FARSB: variants seen among roughly 807,000 people sequenced by gnomAD.
FARSB encodes phenylalanine--tRNA ligase beta subunit.
FARSB carries 40 observed loss-of-function variants against 69.6 expected under a neutral mutation model. The ratio of observed to expected loss-of-function variants is 0.57; its 90% confidence interval spans 0.45 to 0.75. FARSB has a LOEUF of 0.75. FARSB is among the 30% of genes least tolerant of loss of function. The pLI is 0.00. For synonymous variants in FARSB, 235 were observed against 247.2 expected, an observed-to-expected ratio of 0.95 and a Z score of 0.46; for missense variants, 632 against 722.9, an observed-to-expected ratio of 0.87 and a Z score of 1.44.
intron 15 of FARSB, among the ~76,000 whole-genome samples, chr2:222,600,396 C>T (rs1690529388): frequency 6.6e-6 from 1 of 152,082 alleles, no homozygotes. Flanking sequence ...AGCCTTAAAG[C>T]TTCATACTCT....
chr2:222,585,182 C>G (rs979720071), intron 16 of FARSB, among the ~76,000 whole-genome samples: 1 of 152,222 alleles, frequency 6.6e-6, no homozygotes, highest in Non-Finnish European at 1.5e-5. Flanking sequence ...TGCCGTTCTA[C>G]AATATTTGCT....
intron 16 of FARSB, among the ~76,000 whole-genome samples, chr2:222,591,215 A>G (rs975200191): frequency 2.6e-5 from 4 of 151,608 alleles, no homozygotes; most frequent in African/African-American, 9.7e-5. Context: ...GTCTCTTAAA[A>G]AAAAAAAAAA....
rs1689649505 is a variant in FARSB at position 222,567,219 on chromosome 2, T to C, written c.*4652A>G. Reference sequence around the variant, plus strand: ...CTGGAGGTCAGAGGGTCAACATGAATTTGTGGGGATACATTCAGTCCATAA... The same window carrying C: ...CTGGAGGTCAGAGGGTCAACATGAACTTGTGGGGATACATTCAGTCCATAA... On this transcript the variant is annotated 3_prime_UTR_variant, in exon 17 of 17. Transcript: ENST00000281828. 6.6e-6 allele frequency: 1 copy of C among 152,194 alleles called. No individual in the cohort carries two copies. The highest frequency in any genetic ancestry group is 2.1e-4 in the South Asian group (1 of 4,830). The allele number at this position is 152,194 out of a possible 1,614,324, so 9.4% of individuals were successfully genotyped here. A position where few individuals can be genotyped will look rare whatever the true frequency, so the allele number is the denominator to read the frequency against.
chr2:222,634,596 A>G, intron 5 of FARSB, 55 bp from the exon 6 acceptor site: 6 of 1,427,588 alleles, frequency 4.2e-6, no homozygotes, highest in Non-Finnish European at 5.7e-6. Flanking sequence ...GAGGAGAATG[A>G]GACAGATTTG....
chr2:222,595,742 A>G (rs1690394138), intron 16 of FARSB, among the ~76,000 whole-genome samples: 1 of 152,180 alleles, frequency 6.6e-6, no homozygotes, highest in Admixed American at 6.5e-5. Context: ...TTCTACAAGA[A>G]ATAATTTTTG....
intron 15 of FARSB, among the ~76,000 whole-genome samples, chr2:222,609,912 T>G (rs1319442754): frequency 2.0e-5 from 3 of 152,206 alleles, no homozygotes; most frequent in Non-Finnish European, 4.4e-5. Context: ...TTGGAAGACA[T>G]GCTTGCCCAC....
In FARSB at chr2:222,619,606, A is replaced by C. The variant is rs113614590; in HGVS notation, c.1344+39T>G. Reference sequence around the variant, plus strand: ...TTTTCCTAACTCATGTACTACCTCTAGGTTTTTACATGAATTCTCACCTAC... The same window carrying C: ...TTTTCCTAACTCATGTACTACCTCTCGGTTTTTACATGAATTCTCACCTAC... On this transcript the variant is annotated intron_variant, in intron 14 of 16. Coordinates refer to ENST00000281828, the MANE Select transcript of FARSB (RefSeq NM_005687.5). 3.2e-3 allele frequency: 3,198 copies of C among 985,350 alleles called. 34 individuals carry two copies. Among genetic ancestry groups the C allele is most frequent in the African/African-American group, 0.029 (1,818 of 63,124 alleles). 61.0% of individuals were successfully genotyped at this position (985,350 alleles called of 1,614,324 possible). A position where few individuals can be genotyped will look rare whatever the true frequency, so the allele number is the denominator to read the frequency against.
intron 15 of FARSB, among the ~76,000 whole-genome samples, chr2:222,603,663 T>C (rs1355879065): frequency 1.5e-5 from 2 of 137,432 alleles, no homozygotes; most frequent in Non-Finnish European, 3.2e-5. Flanking sequence ...ATATTATTAT[T>C]AATATAATTA....
At position 222,599,950 on chromosome 2, in the gene FARSB, TC is replaced by T; in HGVS notation, c.1595del (p.Gly532AspfsTer3). On this transcript the variant is annotated frameshift_variant, in exon 16 of 17. Coordinates refer to ENST00000281828, the MANE Select transcript of FARSB (RefSeq NM_005687.5). LOFTEE classifies it high-confidence loss of function. ...LDVPPGEDKGGYVIKASEGPA... is the reference protein window; with the variant it reads ...LDVPPGEDKGXYVIKASEGPA... Reference sequence around the variant, plus strand: ...TACCTTCTGATGCTTTGATCACATATCCCCCCTTGTCTTCACCAGGAGGCAC... The same window carrying T: ...TACCTTCTGATGCTTTGATCACATATCCCCCTTGTCTTCACCAGGAGGCAC... 6.2e-7 allele frequency: 1 copy of T among 1,601,246 alleles called. No homozygotes were observed. Among genetic ancestry groups the T allele is most frequent in the South Asian group, 1.1e-5 (1 of 88,442 alleles).
At chr2:222,619,107 A>G (rs944164684) in intron 14 of FARSB, among the ~76,000 whole-genome samples, 1 of 151,010 alleles carries the variant, frequency 6.6e-6, no homozygotes, top group Admixed American at 6.6e-5. Flanking sequence ...CCGCCACTGC[A>G]CTCCAGCCTG....
intron 16 of FARSB, among the ~76,000 whole-genome samples, chr2:222,582,298 C>A (rs1018393605): frequency 6.6e-6 from 1 of 152,132 alleles, no homozygotes; most frequent in African/African-American, 2.4e-5. Context: ...TGTAGGCTGT[C>A]AGGTAAAACA....
intron 12 of FARSB, 69 bp downstream of exon 12, chr2:222,624,203 G>A (rs1419858666): frequency 1.5e-5 from 16 of 1,038,742 alleles, no homozygotes; most frequent in East Asian, 9.5e-5. Flanking sequence ...CTGTTTTCTC[G>A]AAGCCTTCCT....
intron 16 of FARSB, among the ~76,000 whole-genome samples, chr2:222,597,583 CT>C (rs939738275): frequency 6.6e-6 from 1 of 152,282 alleles, no homozygotes; most frequent in East Asian, 1.9e-4. Flanking sequence ...AAAAACCTGA[CT>C]TTTAAGCAGA....
At chr2:222,610,694 T>C (rs1355987401) in intron 15 of FARSB, among the ~76,000 whole-genome samples, 1 of 152,194 alleles carries the variant, frequency 6.6e-6, no homozygotes, top group African/African-American at 2.4e-5. Flanking sequence ...TTAGGAATTG[T>C]AAATATCTTA....
intron 16 of FARSB, among the ~76,000 whole-genome samples, chr2:222,589,132 C>T (rs905543025): frequency 6.6e-6 from 1 of 152,142 alleles, no homozygotes; most frequent in Non-Finnish European, 1.5e-5. Flanking sequence ...GCTACAGTAA[C>T]CAAAACAGCA....
chr2:222,585,368 T>C (rs780937715), intron 16 of FARSB, among the ~76,000 whole-genome samples: 3 of 152,096 alleles, frequency 2.0e-5, no homozygotes, highest in Admixed American at 6.5e-5. Flanking sequence ...CATCTGTAGG[T>C]CACCATCATC....
intron 12 of FARSB, 136 bp from the exon 13 acceptor site, chr2:222,623,866 A>G: frequency 1.6e-6 from 1 of 641,608 alleles, no homozygotes; most frequent in Non-Finnish European, 2.8e-6. Flanking sequence ...CACCCTTACT[A>G]ACGTACTGCT....
intron 16 of FARSB, among the ~76,000 whole-genome samples, chr2:222,576,972 C>A (rs192406944): frequency 3.3e-5 from 5 of 152,256 alleles, no homozygotes; most frequent in African/African-American, 1.2e-4. Flanking sequence ...GGTGGCTGTT[C>A]TCGAAGTTTT....
intron 4 of FARSB, 92 bp from the exon 5 acceptor site, chr2:222,639,787 G>A: frequency 2.1e-6 from 1 of 480,104 alleles, no homozygotes; most frequent in Non-Finnish European, 3.7e-6. Flanking sequence ...CTTGCCACTG[G>A]CATACATTTT....
Sources: allele counts gnomAD v4.1 joint callset (sites outside exome capture counted in the v4.1 genomes callset), GRCh38; gene constraint gnomAD v4.1.1; transcripts MANE v1.5; gene names NCBI Gene and HGNC (gene_info 2026-07-23, HGNC 2026-07-21).